NFIA: variants seen among roughly 807,000 people sequenced by gnomAD.
NFIA encodes the protein nuclear factor I A, also known as nuclear factor 1 A-type.
NFIA carries 8 observed loss-of-function variants against 62.8 expected under a neutral mutation model. That is an observed-to-expected ratio of 0.13 (90% CI 0.07 to 0.23). NFIA has a LOEUF of 0.23. Among genes scored for constraint, NFIA ranks in the 10% least tolerant of loss-of-function variants. The pLI, the probability that NFIA is intolerant of heterozygous loss-of-function variation, is 1.00. For missense variants in NFIA, 410 were observed against 642.1 expected (o/e 0.64, Z 3.91); for synonymous variants, 235 against 238.1 (o/e 0.99, Z 0.12).
chr1:61,096,111 AATTTTATT>A (rs1557561644), intron 2 of NFIA, among the ~76,000 whole-genome samples: 2 of 152,188 alleles, frequency 1.3e-5, no homozygotes, highest in Admixed American at 1.3e-4. Flanking sequence ...AAAAGAATGG[AATTTTATT>A]AGTTTAAAAT....
chr1:61,441,354 T>C (rs1363211447), intron 10 of NFIA, among the ~76,000 whole-genome samples: 1 of 151,822 alleles, frequency 6.6e-6, no homozygotes, highest in East Asian at 1.9e-4. Context: ...TGTCTGTCTG[T>C]GTAACCTGTG....
intron 2 of NFIA, among the ~76,000 whole-genome samples, chr1:61,260,620 G>T (rs1015587744): frequency 4.6e-5 from 7 of 152,078 alleles, no homozygotes; most frequent in Non-Finnish European, 7.4e-5. Context: ...TCGCTCTGTC[G>T]CCCAGGCTGG....
chr1:61,130,301 A>G (rs1417112674), intron 2 of NFIA, among the ~76,000 whole-genome samples: 3 of 152,132 alleles, frequency 2.0e-5, no homozygotes, highest in Admixed American at 6.6e-5. Flanking sequence ...TTACGGCATC[A>G]GAGATACCAA....
intron 2 of NFIA, among the ~76,000 whole-genome samples, chr1:61,096,936 C>G (rs1570142963): frequency 1.3e-5 from 2 of 151,984 alleles, no homozygotes; most frequent in African/African-American, 4.8e-5. Flanking sequence ...AAAAAGATGA[C>G]CAATAAGTAT....
chr1:61,401,839 T>C (rs1557759284), intron 7 of NFIA, among the ~76,000 whole-genome samples: 1 of 152,184 alleles, frequency 6.6e-6, no homozygotes. Flanking sequence ...ACAAGTTTTT[T>C]GCCACCAGCA....
At chr1:61,251,765 C>T (rs1656055166) in intron 2 of NFIA, among the ~76,000 whole-genome samples, 1 of 152,090 alleles carries the variant, frequency 6.6e-6, no homozygotes, top group East Asian at 1.9e-4. Context: ...ATTTTAAAAA[C>T]TGCTTCAGCA....
intron 2 of NFIA, among the ~76,000 whole-genome samples, chr1:61,188,841 T>G (rs1238602281): frequency 6.6e-6 from 1 of 152,228 alleles, no homozygotes; most frequent in Non-Finnish European, 1.5e-5. Context: ...TCATACTAAT[T>G]GGTGCCTGAG....
intron 2 of NFIA, among the ~76,000 whole-genome samples, chr1:61,205,758 G>A (rs1391099125): frequency 2.0e-5 from 3 of 152,092 alleles, no homozygotes; most frequent in East Asian, 1.9e-4. Flanking sequence ...TGAATTGAGC[G>A]GACGAGAACT....
At chr1:61,106,100 CATCTATCT>C (rs58274631) in intron 2 of NFIA, among the ~76,000 whole-genome samples, 4,175 of 149,116 alleles carry the variant, frequency 0.028, 87 homozygotes, top group South Asian at 0.059. Context: ...CTCTCTCATG[CATCTATCT>C]ATCTATCTAT....
At chr1:61,293,339 G>A (rs1176250937) in intron 3 of NFIA, among the ~76,000 whole-genome samples, 1 of 152,222 alleles carries the variant, frequency 6.6e-6, no homozygotes, top group African/African-American at 2.4e-5. Flanking sequence ...TGCAGTTTCT[G>A]TGTGTATGAG....
intron 2 of NFIA, among the ~76,000 whole-genome samples, chr1:61,220,101 T>C (rs1185182768): frequency 6.6e-6 from 1 of 152,214 alleles, no homozygotes; most frequent in Non-Finnish European, 1.5e-5. Flanking sequence ...TGTCTTTCTG[T>C]TGATGAGAAA....
intron 2 of NFIA, among the ~76,000 whole-genome samples, chr1:61,198,787 C>T (rs1652210627): frequency 6.6e-6 from 1 of 152,220 alleles, no homozygotes; most frequent in Non-Finnish European, 1.5e-5. Context: ...GTTCCTGAAC[C>T]TGGATGCCCA....
intron 3 of NFIA, among the ~76,000 whole-genome samples, chr1:61,305,765 A>G (rs1390081674): frequency 1.3e-5 from 2 of 152,116 alleles, no homozygotes; most frequent in African/African-American, 4.8e-5. Context: ...GGTTAGTAAA[A>G]GAATATGGCC....
chr1:61,128,957 C>G (rs1454786248), intron 2 of NFIA, among the ~76,000 whole-genome samples: 2 of 115,372 alleles, frequency 1.7e-5, no homozygotes, highest in African/African-American at 3.4e-5. Flanking sequence ...GAGTCTTGCT[C>G]TGTCGCCCAG....
At chr1:61,086,676 T>C (rs142721410) in intron 1 of NFIA, among the ~76,000 whole-genome samples, 111 of 152,288 alleles carry the variant, frequency 7.3e-4, no homozygotes, top group African/African-American at 2.6e-3. Context: ...CTCAGTCATA[T>C]AGAGTGTTTA....
At chr1:61,316,098 G>C (rs1385264441) in intron 3 of NFIA, among the ~76,000 whole-genome samples, 2 of 152,106 alleles carry the variant, frequency 1.3e-5, no homozygotes, top group Non-Finnish European at 2.9e-5. Flanking sequence ...AGTCCAAATT[G>C]TCGAGTTTAT....
At chr1:61,386,856 G>A (rs1263631561) in intron 7 of NFIA, among the ~76,000 whole-genome samples, 1 of 152,230 alleles carries the variant, frequency 6.6e-6, no homozygotes, top group Admixed American at 6.5e-5. Context: ...ATTGCTCACA[G>A]TTCTAGAGGC....
chr1:61,200,048 A>ATATATATATATATATG (rs1652353225), intron 2 of NFIA, among the ~76,000 whole-genome samples: 1 of 48,416 alleles, frequency 2.1e-5, no homozygotes, highest in Non-Finnish European at 3.4e-5. Context: ...ATATATATAT[A>ATATATATATATATATG]TATATATATA....
intron 2 of NFIA, among the ~76,000 whole-genome samples, chr1:61,110,572 C>T (rs1298173612): frequency 2.0e-5 from 3 of 151,958 alleles, no homozygotes; most frequent in Non-Finnish European, 2.9e-5. Context: ...TTTAAAGCAT[C>T]CTACAATCTG....
Sources: gnomAD v4.1 joint callset for allele counts (sites outside exome capture counted in the v4.1 genomes callset) on GRCh38, gnomAD v4.1.1 for gene constraint, MANE v1.5 for transcripts, NCBI Gene and HGNC (gene_info 2026-07-23, HGNC 2026-07-21) for gene names.